Variants in EOMES observed in about 807,000 individuals in gnomAD.
EOMES encodes the protein eomesodermin.
In EOMES, 18 loss-of-function variants were observed where a neutral mutation model predicts 61.0. The ratio of observed to expected loss-of-function variants is 0.30; its 90% CI spans 0.20 to 0.44. EOMES has a LOEUF of 0.44. Among genes scored for constraint, EOMES ranks in the 20% least tolerant of loss-of-function variants. The pLI, the probability that EOMES is intolerant of heterozygous loss-of-function variation, is 1.00. For synonymous variants in EOMES, 430 were observed against 394.0 expected (o/e 1.09, Z -1.08); for missense variants, 885 against 939.2 (o/e 0.94, Z 0.75).
intron 2 of EOMES, 46 bp from the exon 3 acceptor site, chr3:27,719,527 G>A: frequency 6.4e-7 from 1 of 1,573,366 alleles, no homozygotes; most frequent in Non-Finnish European, 8.7e-7. Flanking sequence ...ATATAGGGCT[G>A]TTTACAAATG....
chr3:27,717,633 T>C lies in EOMES; in HGVS notation c.1555A>G (p.Asn519Asp). The change falls in exon 6 of 6, where the codon AAC becomes GAC. Residue 519 changes from asparagine to aspartate, a missense_variant. Transcript: ENST00000449599. The surrounding 1 kb of genome is among the most constrained non-coding windows in gnomAD (Gnocchi z 4.5). The stretch of plus-strand genomic sequence containing the variant: ...CTCTGTTGGGGTGAAAGGAGGCCGT[T>C]GGTCTGTGGCACGGTTCTCTCGCCA... ...YNGERTVPQT[N>D]GLLSPQQSEE... 6 of 1,614,122 alleles carry C rather than the reference T, an allele frequency of 3.7e-6. No individual in the cohort carries two copies. Among genetic ancestry groups the C allele is most frequent in the Non-Finnish European group, 5.1e-6 (6 of 1,180,008 alleles).
Position 27,721,276 on chromosome 3 carries a change from G to A in EOMES, c.881+138C>T. 1 of 676,578 alleles carries A rather than the reference G, an allele frequency of 1.5e-6. No homozygotes were observed. Among genetic ancestry groups the A allele is most frequent in the South Asian group, 1.9e-5 (1 of 53,108 alleles). The allele number at this position is 676,578 out of a possible 1,614,324, so 41.9% of individuals were successfully genotyped here. ...ACCGCATTGGAGATGCGGTGTCTAC[G>A]GAGATTTATTGCGCGCGGTGAAACA... On this transcript the variant is annotated intron_variant, in intron 1 of 5. Coordinates refer to ENST00000449599, the MANE Select transcript of EOMES (RefSeq NM_001278182.2). This position sits in a 1 kb window ranked among gnomAD's most constrained non-coding sequence, Gnocchi z 7.4.
At position 27,717,550 on chromosome 3, in the gene EOMES, C is replaced by A. The variant is rs750023868; in HGVS notation, c.1638G>T (p.Gly546=). ...AGGAACTGATGTCTAGTTTGTTGGT[C>A]CCAGGTTGCTGGACAGGCGTGACAA... ...RWLVTPVQQP[G]TNKLDISSYE... The change falls in exon 6 of 6, where the codon GGG becomes GGT. Residue 546 remains glycine (G), a synonymous_variant. Transcript: ENST00000449599. This position sits in a 1 kb window ranked among gnomAD's most constrained non-coding sequence, Gnocchi z 4.5. The A allele has an allele frequency of 1.2e-5, 19 of 1,614,052 alleles. No individual in the cohort carries two copies. In the African/African-American group the frequency reaches 1.5e-4, roughly 12 times the overall value.
Position 27,721,684 on chromosome 3 carries a change from C to A in EOMES, c.611G>T (p.Gly204Val). The A allele has an allele frequency of 2.0e-6, 3 of 1,525,134 alleles. No homozygotes were observed. Among genetic ancestry groups the A allele is most frequent in the Non-Finnish European group, 2.6e-6 (3 of 1,141,072 alleles). 94.5% of individuals were successfully genotyped at this position (1,525,134 alleles called of 1,614,324 possible). Residue 204 changes from glycine to valine, a missense_variant, in exon 1 of 6, where the codon GGG becomes GTG. Gly to Val is a moderately radical substitution (Grantham distance 109). Transcript: ENST00000449599. The surrounding 1 kb of genome is among the most constrained non-coding windows in gnomAD (Gnocchi z 7.4). ...GGCTCCTGGGCCGAACTGCGCCCTCCCGGGTGGGCACACAGCCGCGGGGAA... is the reference window on the plus strand; with the variant it reads ...GGCTCCTGGGCCGAACTGCGCCCTCACGGGTGGGCACACAGCCGCGGGGAA... ...GGFPAAVCPP[G>V]RAQFGPGAGA...
chr3:27,718,561 C>T (rs753724810), intron 5 of EOMES, 26 bp downstream of exon 5: 1 of 1,542,528 alleles, frequency 6.5e-7, no homozygotes, highest in Non-Finnish European at 8.9e-7. Flanking sequence ...GATGATCAGG[C>T]AAGTGTGGAT....
Position 27,719,467 on chromosome 3 carries a change from C to T in EOMES, c.1051G>A (p.Val351Ile). ...CCAGTATTAGGAGACTCTGGGTGAA[C>T]ATACATTTTGTTGCCTAAGAGAAAA... ...DNNMQGNKMY[V>I]HPESPNTGSH... is the part of the protein sequence containing the mutation. The change falls in exon 3 of 6, where the codon GTT becomes ATT. Residue 351 changes from valine to isoleucine, a missense_variant. Transcript: ENST00000449599. The T allele has an allele frequency of 6.2e-7, 1 of 1,613,210 alleles. No homozygotes were observed. Among genetic ancestry groups the T allele is most frequent in the Non-Finnish European group, 8.5e-7 (1 of 1,179,506 alleles).
At position 27,718,571 on chromosome 3, in the gene EOMES, TAAA is replaced by T. The variant is rs1237392923; in HGVS notation, c.1379+13_1379+15del. 1 of 1,590,034 alleles carries T rather than the reference TAAA, an allele frequency of 6.3e-7. No individual in the cohort carries two copies. The highest frequency in any genetic ancestry group is 1.7e-5 in the Admixed American group (1 of 59,670). On this transcript the variant is annotated intron_variant, in intron 5 of 5. Transcript: ENST00000449599. ...TCAGAGATGATCAGGCAAGTGTGGA[TAAA>T]AGCTGCACTTACGAATCATAGTTGT...
chr3:27,717,243 A>G lies in EOMES; in HGVS notation c.1945T>C (p.Ser649Pro), dbSNP rs759432823. 1.2e-6 allele frequency: 2 copies of G among 1,614,024 alleles called. No homozygotes were observed. Among genetic ancestry groups the G allele is most frequent in the East Asian group, 2.2e-5 (1 of 44,874 alleles). The change falls in exon 6 of 6, where the codon TCC becomes CCC. Residue 649 changes from serine to proline, a missense_variant. This residue lies in a region of EOMES where 259 missense variants were observed against 282.3 expected (regional missense o/e 0.92). Coordinates refer to ENST00000449599, the MANE Select transcript of EOMES (RefSeq NM_001278182.2). The surrounding 1 kb of genome is among the most constrained non-coding windows in gnomAD (Gnocchi z 4.5). ...ETPPSIKSLDSNDSGVYTSAC... is the reference protein window; with the variant it reads ...ETPPSIKSLDPNDSGVYTSAC... ...CTGGTGTATACTCCTGAATCATTGG[A>G]ATCTAGAGATTTGATGGAAGGGGGT... is the stretch of plus-strand genomic sequence containing the variant.
intron 2 of EOMES, among the ~76,000 whole-genome samples, chr3:27,719,955 G>T (rs1489204482): frequency 6.6e-6 from 1 of 152,072 alleles, no homozygotes; most frequent in Non-Finnish European, 1.5e-5. Flanking sequence ...TTAGTTAAAG[G>T]TTCTAAATAT....
At chr3:27,722,417 C>T (rs777467752), upstream of EOMES, 63 of 1,366,184 alleles carry the variant, frequency 4.6e-5, no homozygotes, top group Non-Finnish European at 5.9e-5. Flanking sequence ...CCTCCCGCGC[C>T]GGGGCTACCC....
rs1416068206 is a variant in EOMES at position 27,716,510 on chromosome 3, C to T, written c.*560G>A. 1 of 153,240 alleles carries T rather than the reference C, an allele frequency of 6.5e-6. No individual in the cohort carries two copies. The highest frequency in any genetic ancestry group is 1.9e-4 in the East Asian group (1 of 5,180). The allele number at this position is 153,240 out of a possible 1,614,324, so 9.5% of individuals were successfully genotyped here. On this transcript the variant is annotated 3_prime_UTR_variant, in exon 6 of 6. Coordinates refer to ENST00000449599, the MANE Select transcript of EOMES (RefSeq NM_001278182.2). ...GGACTAGGGCAAACATGGCTTGTTC[C>T]AAAAGCCGGGGGTTAAGGAATCAAA...
Position 27,721,849 on chromosome 3 carries a change from G to T in EOMES, c.446C>A (p.Pro149His). 6.6e-7 allele frequency: 1 copy of T among 1,517,478 alleles called. No homozygotes were observed. The highest frequency in any genetic ancestry group is 8.8e-7 in the Non-Finnish European group (1 of 1,138,466). 94.0% of individuals were successfully genotyped at this position (1,517,478 alleles called of 1,614,324 possible). ...LSSERYYLQS[P>H]GPQGSELAAP... ...AGCCAGCTCCGACCCCTGAGGACCG[G>T]GGGACTGGAGGTAGTACCGCTCGGA... is the stretch of plus-strand genomic sequence containing the variant. The change falls in exon 1 of 6, where the codon CCC becomes CAC. Residue 149 changes from proline to histidine, a missense_variant. This residue lies in a region of EOMES where 449 missense variants were observed against 383.6 expected (regional missense o/e 1.17). Transcript: ENST00000449599. This position sits in a 1 kb window ranked among gnomAD's most constrained non-coding sequence, Gnocchi z 7.4.
intron 3 of EOMES, among the ~76,000 whole-genome samples, 197 bp from the exon 4 acceptor site, chr3:27,719,090 G>C (rs2060591314): frequency 6.6e-6 from 1 of 150,976 alleles, no homozygotes; most frequent in Non-Finnish European, 1.5e-5. Flanking sequence ...AGCTGGGTAT[G>C]TGGTTGTGAT....
Position 27,722,214 on chromosome 3 carries a change from G to T in EOMES, c.81C>A (p.Gly27=), listed in dbSNP as rs746126554. The part of the protein sequence containing the change: ...AHFYPLESAR[G]GSGGSAGHLP... Reference sequence around the variant, plus strand: ...GGTGGCCAGCGCTCCCGCCGCTGCCGCCTCGCGCACTCTCCAGCGGGTAGA... The same window carrying T: ...GGTGGCCAGCGCTCCCGCCGCTGCCTCCTCGCGCACTCTCCAGCGGGTAGA... The change falls in exon 1 of 6, where the codon GGC becomes GGA. Residue 27 remains glycine (G), a synonymous_variant. Transcript: ENST00000449599. 1.3e-5 allele frequency: 21 copies of T among 1,604,364 alleles called. No homozygotes were observed. Among genetic ancestry groups the T allele is most frequent in the South Asian group, 5.6e-5 (5 of 89,708 alleles).
Position 27,721,307 on chromosome 3 carries a change from A to C in EOMES, c.881+107T>G. 4.5e-6 allele frequency: 4 copies of C among 884,802 alleles called. No homozygotes were observed. The highest frequency in any genetic ancestry group is 7.0e-6 in the Non-Finnish European group (4 of 572,570). The allele number at this position is 884,802 out of a possible 1,614,324, so 54.8% of individuals were successfully genotyped here. ...TTATTGCGCGCGGTGAAACACTCTAAGCACCGCGCGGAACAACTGGGTTCA... is the reference window on the plus strand; with the variant it reads ...TTATTGCGCGCGGTGAAACACTCTACGCACCGCGCGGAACAACTGGGTTCA... On this transcript the variant is annotated intron_variant, in intron 1 of 5. Coordinates refer to ENST00000449599, the MANE Select transcript of EOMES (RefSeq NM_001278182.2). This position sits in a 1 kb window ranked among gnomAD's most constrained non-coding sequence, Gnocchi z 7.4.
Position 27,716,321 on chromosome 3 carries a change from A to G in EOMES, c.*749T>C, listed in dbSNP as rs1377505856. 1 of 151,240 alleles carries G rather than the reference A, an allele frequency of 6.6e-6. No individual in the cohort carries two copies. The highest frequency in any genetic ancestry group is 2.1e-4 in the South Asian group (1 of 4,778). 9.4% of individuals were successfully genotyped at this position (151,240 alleles called of 1,614,324 possible). On this transcript the variant is annotated 3_prime_UTR_variant, in exon 6 of 6. Coordinates refer to ENST00000449599, the MANE Select transcript of EOMES (RefSeq NM_001278182.2). ...TATGTAGACTATTTGTACAATATAT[A>G]CCACATTATTCTATAGTGTATCTAA...
At position 27,721,993 on chromosome 3, in the gene EOMES, G is replaced by C; in HGVS notation, c.302C>G (p.Pro101Arg). The change falls in exon 1 of 6, where the codon CCG (proline) becomes CGG (arginine). Residue 101 changes from proline (P) to arginine (R), a missense_variant. Coordinates refer to ENST00000449599, the MANE Select transcript of EOMES (RefSeq NM_001278182.2). The surrounding 1 kb of genome is among the most constrained non-coding windows in gnomAD (Gnocchi z 7.4). ...GCAGGGGGAGCCCTTGCGGCCGTCC[G>C]GGGGCCCCGGCTTGGCCACTGCCGC... Reference protein sequence around the residue: ...SAAAVAKPGPPDGRKGSPCGE... With the variant: ...SAAAVAKPGPRDGRKGSPCGE... 8 of 1,468,380 alleles carry C rather than the reference G, an allele frequency of 5.4e-6. No homozygotes were observed. The highest frequency in any genetic ancestry group is 7.2e-6 in the Non-Finnish European group (8 of 1,116,870). The allele number at this position is 1,468,380 out of a possible 1,614,324, so 91.0% of individuals were successfully genotyped here.
In EOMES at chr3:27,717,655, G is replaced by C. The variant is rs62253095; in HGVS notation, c.1533C>G (p.Gly511=). 6.2e-7 allele frequency: 1 copy of C among 1,613,904 alleles called. No homozygotes were observed. The highest frequency in any genetic ancestry group is 1.7e-5 in the Admixed American group (1 of 59,990). ...NTLPQARYYN[G]ERTVPQTNGL... Reference sequence around the variant, plus strand: ...CGTTGGTCTGTGGCACGGTTCTCTCGCCATTATAATAGCGGGCTTGAGGTA... The same window carrying C: ...CGTTGGTCTGTGGCACGGTTCTCTCCCCATTATAATAGCGGGCTTGAGGTA... The change falls in exon 6 of 6, where the codon GGC becomes GGG. Residue 511 remains glycine (G), a synonymous_variant. Coordinates refer to ENST00000449599, the MANE Select transcript of EOMES (RefSeq NM_001278182.2). This position sits in a 1 kb window ranked among gnomAD's most constrained non-coding sequence, Gnocchi z 4.5.
Position 27,721,624 on chromosome 3 carries a change from C to A in EOMES, c.671G>T (p.Gly224Val), listed in dbSNP as rs2060614103. 1 of 1,543,458 alleles carries A rather than the reference C, an allele frequency of 6.5e-7. No individual in the cohort carries two copies. Among genetic ancestry groups the A allele is most frequent in the South Asian group, 1.2e-5 (1 of 84,272 alleles). ...AGSGAGGSSG[G>V]GGGPGTYQYS... The stretch of plus-strand genomic sequence containing the variant: ...CTGATAGGTGCCCGGGCCGCCGCCC[C>A]CGCCGCTGCTACCGCCCGCGCCACT... The change falls in exon 1 of 6, where the codon GGG (glycine) becomes GTG (valine). Residue 224 changes from glycine to valine, a missense_variant. By Grantham distance (109) the Gly-to-Val change is moderately radical. This residue lies in a region of EOMES where 449 missense variants were observed against 383.6 expected (regional missense o/e 1.17). Coordinates refer to ENST00000449599, the MANE Select transcript of EOMES (RefSeq NM_001278182.2). This position sits in a 1 kb window ranked among gnomAD's most constrained non-coding sequence, Gnocchi z 7.4.
Sources: allele counts gnomAD v4.1 joint callset (sites outside exome capture counted in the v4.1 genomes callset), GRCh38; gene constraint gnomAD v4.1.1; regional missense constraint gnomAD v4.1.1; non-coding constraint Gnocchi (gnomAD v3.1); transcripts MANE v1.5; gene names NCBI Gene and HGNC (gene_info 2026-07-23, HGNC 2026-07-21).